SLC12A6: variants seen among roughly 807,000 people sequenced by gnomAD.
SLC12A6 encodes the protein solute carrier family 12 member 6.
In SLC12A6, 66 loss-of-function variants were observed where a neutral mutation model predicts 135.3. The ratio of observed to expected loss-of-function variants is 0.49; its 90% CI spans 0.40 to 0.60. SLC12A6 has a LOEUF of 0.60. SLC12A6 is among the 20% of genes least tolerant of loss of function. The pLI, the probability that SLC12A6 is intolerant of heterozygous loss-of-function variation, is 0.00. For synonymous variants in SLC12A6, 513 were observed against 508.8 expected (o/e 1.01, Z -0.11); for missense variants, 1,058 against 1,452.3 (o/e 0.73, Z 4.41).
At chr15:34,310,946 T>C (rs1460197631) in intron 2 of SLC12A6, among the ~76,000 whole-genome samples, 1 of 152,060 alleles carries the variant, frequency 6.6e-6, no homozygotes, top group Admixed American at 6.6e-5. Flanking sequence ...AACATAAGCT[T>C]TCATGGGTAA....
At chr15:34,284,613 A>C (rs922812781) in intron 2 of SLC12A6, among the ~76,000 whole-genome samples, 1 of 152,100 alleles carries the variant, frequency 6.6e-6, no homozygotes, top group Non-Finnish European at 1.5e-5. Context: ...TAATGTATTC[A>C]GTAAATATTT....
intron 2 of SLC12A6, among the ~76,000 whole-genome samples, chr15:34,292,405 C>A (rs1027775175): frequency 3.3e-5 from 5 of 151,950 alleles, no homozygotes; most frequent in African/African-American, 4.9e-5. Context: ...TGTCTGTCGG[C>A]CCCTACTGGG....
At chr15:34,331,574 G>C (rs1889852256) in intron 2 of SLC12A6, among the ~76,000 whole-genome samples, 1 of 152,134 alleles carries the variant, frequency 6.6e-6, no homozygotes, top group Non-Finnish European at 1.5e-5. Context: ...AAGTCTACAA[G>C]ATCTTCAACT....
intron 2 of SLC12A6, among the ~76,000 whole-genome samples, chr15:34,288,333 T>C (rs2140954178): frequency 6.6e-6 from 1 of 152,336 alleles, no homozygotes; most frequent in East Asian, 1.9e-4. Flanking sequence ...TTCTGTTCCA[T>C]TGGTCTATAT....
rs536563708 is a variant in SLC12A6, at chr15:34,305,360, G to T, written c.272-29971C>A. 2.0e-5 allele frequency among the ~76,000 whole-genome samples: 3 copies of T among 150,564 alleles called. No homozygotes were observed. In the South Asian group the frequency reaches 6.3e-4, roughly 32 times the overall value. ...TTAGCCATGTTAGGTGTCCTGAATC[G>T]ATCCAATAGGTCTCTTTTTTAAAAG... On this transcript the variant is annotated intron_variant, in intron 2 of 25. Coordinates refer to ENST00000354181, the MANE Select transcript of SLC12A6 (RefSeq NM_001365088.1).
intron 2 of SLC12A6, among the ~76,000 whole-genome samples, chr15:34,334,234 G>C (rs1198041106): frequency 3.3e-5 from 5 of 152,148 alleles, no homozygotes; most frequent in Non-Finnish European, 5.9e-5. Flanking sequence ...CACAACCACA[G>C]AAGGATGTAC....
rs1018860694 is a variant in SLC12A6, at chr15:34,336,475, G to C, written c.206C>G (p.Ser69Trp). 8.1e-6 allele frequency: 13 copies of C among 1,613,302 alleles called. No homozygotes were observed. The highest frequency in any genetic ancestry group is 2.2e-5 in the East Asian group (1 of 44,886). Residue 69 changes from serine to tryptophan, a missense_variant, in exon 2 of 26, where the codon TCG becomes TGG. Physicochemically the swap from Ser to Trp is radical, Grantham distance 177 (BLOSUM62 -3). This residue lies in a region of SLC12A6 where 176 missense variants were observed against 168.9 expected (regional missense o/e 1.04). Coordinates refer to ENST00000354181, the MANE Select transcript of SLC12A6 (RefSeq NM_001365088.1). ...PMSEMSGATT[S>W]LATVALDPPS... ...TGGATCCAGTGCAACAGTTGCCAGC[G>C]AAGTGGTGGCCCCAGACATCTCACT... is the stretch of plus-strand genomic sequence containing the variant.
At chr15:34,265,404 A>T (rs1374148331) in intron 3 of SLC12A6, among the ~76,000 whole-genome samples, 2 of 74,452 alleles carry the variant, frequency 2.7e-5, no homozygotes, top group South Asian at 3.8e-4. Flanking sequence ...ACAGCAATTA[A>T]AAAAAAAAAA....
In SLC12A6 at chr15:34,233,799, G is replaced by C; in HGVS notation, c.*82C>G. The C allele has an allele frequency of 2.6e-6, 2 of 778,168 alleles. No homozygotes were observed. Among genetic ancestry groups the C allele is most frequent in the Non-Finnish European group, 4.7e-6 (2 of 424,068 alleles). The allele number at this position is 778,168 out of a possible 1,614,324, so 48.2% of individuals were successfully genotyped here. A position where few individuals can be genotyped will look rare whatever the true frequency, so the allele number is the denominator to read the frequency against. Reference sequence around the variant, plus strand: ...AGAACACAGGCTTCTAGTTGAGTGGGAGTGGTAGTAATGAGCTGGCACTTC... The same window carrying C: ...AGAACACAGGCTTCTAGTTGAGTGGCAGTGGTAGTAATGAGCTGGCACTTC... On this transcript the variant is annotated 3_prime_UTR_variant, in exon 26 of 26. Transcript: ENST00000354181.
In SLC12A6 at chr15:34,336,709, G is replaced by A; in HGVS notation, c.-29C>T. Reference sequence around the variant, plus strand: ...GTTCTTTTTAAGAACAAAAAAAGTGGGGGGAACCTCGCAAAATCTTCCTCT... The same window carrying A: ...GTTCTTTTTAAGAACAAAAAAAGTGAGGGGAACCTCGCAAAATCTTCCTCT... On this transcript the variant is annotated 5_prime_UTR_variant, in exon 2 of 26. Coordinates refer to ENST00000354181, the MANE Select transcript of SLC12A6 (RefSeq NM_001365088.1). 11 of 1,609,696 alleles carry A rather than the reference G, an allele frequency of 6.8e-6. No homozygotes were observed. The highest frequency in any genetic ancestry group is 8.5e-6 in the Non-Finnish European group (10 of 1,175,972).
chr15:34,326,858 CTTTTT>C (rs397963192), intron 2 of SLC12A6, among the ~76,000 whole-genome samples: 3 of 72,176 alleles, frequency 4.2e-5, no homozygotes, highest in Admixed American at 1.7e-4. Context: ...CAACTGGCTG[CTTTTT>C]TTTTTTTTTT....
intron 2 of SLC12A6, among the ~76,000 whole-genome samples, chr15:34,306,560 C>T (rs1280127008): frequency 6.6e-6 from 1 of 152,178 alleles, no homozygotes; most frequent in African/African-American, 2.4e-5. Context: ...ACCAACTGTT[C>T]ATCAGATCCA....
intron 22 of SLC12A6, 80 bp from the exon 23 acceptor site, chr15:34,236,895 C>T (rs2140641880): frequency 1.2e-6 from 1 of 824,486 alleles, no homozygotes; most frequent in South Asian, 1.3e-5. Context: ...TTTCCAGTCA[C>T]TAAATTAAAC....
chr15:34,232,646 C>T lies in SLC12A6; in HGVS notation c.*1235G>A, dbSNP rs2140622073. On this transcript the variant is annotated 3_prime_UTR_variant, in exon 26 of 26. Coordinates refer to ENST00000354181, the MANE Select transcript of SLC12A6 (RefSeq NM_001365088.1). Reference sequence around the variant, plus strand: ...AAAGAAAAAGGGGGAAATGCTTATACTTGGCATTAAGTTGAATGCCTCAAG... The same window carrying T: ...AAAGAAAAAGGGGGAAATGCTTATATTTGGCATTAAGTTGAATGCCTCAAG... 6.5e-6 allele frequency: 1 copy of T among 152,732 alleles called. No individual in the cohort carries two copies. The highest frequency in any genetic ancestry group is 2.1e-4 in the South Asian group (1 of 4,832). 9.5% of individuals were successfully genotyped at this position (152,732 alleles called of 1,614,324 possible).
chr15:34,265,402 TAA>T (rs35044445), intron 3 of SLC12A6, among the ~76,000 whole-genome samples: 1,778 of 119,828 alleles, frequency 0.015, 15 homozygotes, highest in Middle Eastern at 0.045. Flanking sequence ...CAACAGCAAT[TAA>T]AAAAAAAAAA....
At position 34,304,371 on chromosome 15, in the gene SLC12A6, T is replaced by C. The variant is rs139989375; in HGVS notation, c.272-28982A>G. ...TATTAGCTATTATTTATAATGCTGC[T>C]ATAAACATTCCTGTACAAGTTTTTG... On this transcript the variant is annotated intron_variant, in intron 2 of 25. Transcript: ENST00000354181. Among the ~76,000 whole-genome samples, 942 of 152,380 alleles carry C rather than the reference T, an allele frequency of 6.2e-3. 15 individuals are homozygous for C. Among genetic ancestry groups the C allele is most frequent in the African/African-American group, 0.021 (882 of 41,604 alleles).
chr15:34,317,412 G>C (rs985642685), intron 2 of SLC12A6, among the ~76,000 whole-genome samples: 2 of 152,150 alleles, frequency 1.3e-5, no homozygotes, highest in African/African-American at 2.4e-5. Context: ...GGAATTAAAA[G>C]TAACTTTGAG....
In SLC12A6 at chr15:34,255,509, C is replaced by T. The variant is rs975914111; in HGVS notation, c.746-117G>A. On this transcript the variant is annotated intron_variant, in intron 7 of 25. Transcript: ENST00000354181. ...AAAGGTTAAATGTTTCAGGCTTCTG[C>T]AAACCCTCAATGTGATAAAAAGATG... 3 of 765,892 alleles carry T rather than the reference C, an allele frequency of 3.9e-6. No individual in the cohort carries two copies. In the African/African-American group the frequency reaches 5.2e-5, roughly 13 times the overall value. 47.4% of individuals were successfully genotyped at this position (765,892 alleles called of 1,614,324 possible).
intron 2 of SLC12A6, among the ~76,000 whole-genome samples, chr15:34,320,018 T>C (rs1341420665): frequency 6.6e-6 from 1 of 152,208 alleles, no homozygotes; most frequent in East Asian, 1.9e-4. Context: ...CTTTAGAGTA[T>C]GAGGTTCTAC....
Sources: gnomAD v4.1 joint callset for allele counts (sites outside exome capture counted in the v4.1 genomes callset) on GRCh38, gnomAD v4.1.1 for gene constraint, gnomAD v4.1.1 regional missense constraint, MANE v1.5 for transcripts, NCBI Gene and HGNC (gene_info 2026-07-23, HGNC 2026-07-21) for gene names.